The following CDC34 variants were observed in gnomAD, a reference collection of about 807,000 sequenced individuals.
The protein encoded by CDC34 is cell division cycle 34, ubiquitin conjugating enzyme, also known as ubiquitin-conjugating enzyme E2 R1.
A neutral mutation model predicts 26.8 loss-of-function variants in CDC34; 18 were observed. The observed-to-expected ratio is 0.67, with a 90% CI of 0.47 to 1.00. The LOEUF (loss-of-function observed/expected upper bound fraction) is 1.00. Ranked by LOEUF, CDC34 falls within the 50% of genes least tolerant of loss-of-function variation. CDC34 has a pLI of 0.00. For synonymous variants in CDC34, 178 were observed against 147.5 expected, an observed-to-expected ratio of 1.21 and a Z score of -1.50; for missense variants, 280 against 334.5, an observed-to-expected ratio of 0.84 and a Z score of 1.27.
chr19:533,103 G>C (rs1220865688), intron 1 of CDC34, among the ~76,000 whole-genome samples: 1 of 152,214 alleles, frequency 6.6e-6, no homozygotes, highest in Non-Finnish European at 1.5e-5. Flanking sequence ...CAGTTTTCTT[G>C]ATCTCACGAT....
chr19:536,358 CCT>C lies in CDC34; in HGVS notation c.362+19_362+20del, dbSNP rs1293357889. 7.0e-6 allele frequency: 11 copies of C among 1,581,862 alleles called. No homozygotes were observed. Among genetic ancestry groups the C allele is most frequent in the African/African-American group, 4.1e-5 (3 of 73,806 alleles). The stretch of plus-strand genomic sequence containing the variant: ...AACGTCAGGTAAGCCGGCCCAACCC[CCT>C]GTGTCCACCCAGAACATCAGGTAGG... On this transcript the variant is annotated intron_variant, in intron 3 of 4. Coordinates refer to ENST00000215574, the MANE Select transcript of CDC34 (RefSeq NM_004359.2).
At chr19:540,865 C>A (rs1016942225) in intron 4 of CDC34, among the ~76,000 whole-genome samples, 2 of 151,306 alleles carry the variant, frequency 1.3e-5, no homozygotes, top group South Asian at 4.2e-4. Flanking sequence ...GCTGAGGCCA[C>A]GGAGAGGCTC....
Position 541,570 on chromosome 19 carries a change from T to G in CDC34, c.*18T>G. ...AGTCCTGACACCACCAGAATAAACT[T>G]GCCGAGTTTACCTCACTAGGGCCGG... On this transcript the variant is annotated 3_prime_UTR_variant, in exon 5 of 5. Transcript: ENST00000215574. 2 of 1,550,576 alleles carry G rather than the reference T, an allele frequency of 1.3e-6. No homozygotes were observed. The highest frequency in any genetic ancestry group is 1.7e-4 in the Middle Eastern group (1 of 5,766).
At chr19:540,011 G>C (rs575346279) in intron 4 of CDC34, among the ~76,000 whole-genome samples, 1,696 of 113,924 alleles carry the variant, frequency 0.015, 35 homozygotes, top group South Asian at 0.034. Context: ...CAGGCCCCCA[G>C]GTTTAGAATC....
Position 536,530 on chromosome 19 carries a change from C to A in CDC34, c.362+190C>A, listed in dbSNP as rs1449910988. 1.5e-5 allele frequency: 9 copies of A among 596,478 alleles called. No individual in the cohort carries two copies. The East Asian group carries it at 1.9e-4, about 13-fold the overall frequency. The allele number at this position is 596,478 out of a possible 1,614,324, so 36.9% of individuals were successfully genotyped here. A position where few individuals can be genotyped will look rare whatever the true frequency, so the allele number is the denominator to read the frequency against. Reference sequence around the variant, plus strand: ...ACGGTAGGTGCTTTCACGGGGCCTGCGGCACCGTGTGTCGGTGCAGACTCC... The same window carrying A: ...ACGGTAGGTGCTTTCACGGGGCCTGAGGCACCGTGTGTCGGTGCAGACTCC... On this transcript the variant is annotated intron_variant, in intron 3 of 4. Coordinates refer to ENST00000215574, the MANE Select transcript of CDC34 (RefSeq NM_004359.2).
chr19:536,967 G>GC (rs750279936), intron 3 of CDC34, 46 bp from the exon 4 acceptor site: 3 of 1,611,524 alleles, frequency 1.9e-6, no homozygotes, highest in Non-Finnish European at 2.5e-6. Flanking sequence ...GAGCCGGAAG[G>GC]CTGGGGTGCC....
chr19:531,964 G>T lies in CDC34; in HGVS notation c.33G>T (p.Lys11Asn). 6 of 1,473,302 alleles carry T rather than the reference G, an allele frequency of 4.1e-6. No individual in the cohort carries two copies. Among genetic ancestry groups the T allele is most frequent in the Non-Finnish European group, 5.4e-6 (6 of 1,117,652 alleles). 91.3% of individuals were successfully genotyped at this position (1,473,302 alleles called of 1,614,324 possible). A position where few individuals can be genotyped will look rare whatever the true frequency, so the allele number is the denominator to read the frequency against. ...GGCCGCTAGTGCCCAGCTCGCAGAA[G>T]GCGCTGCTGCTGGAGCTCAAGGGGC... is the stretch of plus-strand genomic sequence containing the variant. The part of the protein sequence containing the change: MARPLVPSSQ[K>N]ALLLELKGLQ... The change falls in exon 1 of 5, where the codon AAG becomes AAT. Residue 11 changes from lysine (K) to asparagine (N), a missense_variant. By Grantham distance (94) the Lys-to-Asn change is moderately conservative. Transcript: ENST00000215574.
chr19:537,032 A>C lies in CDC34; in HGVS notation c.382A>C (p.Ile128Leu). The C allele has an allele frequency of 6.2e-7, 1 of 1,613,710 alleles. No homozygotes were observed. Among genetic ancestry groups the C allele is most frequent in the Non-Finnish European group, 8.5e-7 (1 of 1,179,978 alleles). The stretch of plus-strand genomic sequence containing the variant: ...CCACAGGACCATTCTCCTGAGTGTG[A>C]TCTCCCTCCTGAACGAGCCCAACAC... ...QNVRTILLSV[I>L]SLLNEPNTFS... is the part of the protein sequence containing the mutation. Residue 128 changes from isoleucine (I) to leucine (L), a missense_variant, in exon 4 of 5, where the codon ATC becomes CTC. By Grantham distance (5) the Ile-to-Leu change is conservative. Transcript: ENST00000215574.
At chr19:539,418 C>T (rs749448774) in intron 4 of CDC34, among the ~76,000 whole-genome samples, 2 of 151,968 alleles carry the variant, frequency 1.3e-5, no homozygotes, top group African/African-American at 4.8e-5. Flanking sequence ...GTGCCGTCCC[C>T]GGGGCACTGT....
chr19:536,189 C>A, intron 2 of CDC34, 54 bp from the exon 3 acceptor site: 3 of 1,428,968 alleles, frequency 2.1e-6, no homozygotes, highest in Non-Finnish European at 2.9e-6. Flanking sequence ...ACCTGGGGCA[C>A]TGGGAGCCCG....
chr19:541,755 TC>T lies in CDC34; in HGVS notation c.*204del. On this transcript the variant is annotated 3_prime_UTR_variant, in exon 5 of 5. Transcript: ENST00000215574. The stretch of plus-strand genomic sequence containing the variant: ...GCTGCCCCACCGCCACTCACGTCAC[TC>T]GGGGCTCGGTGGACGGGCCCAGGGT... The T allele has an allele frequency of 6.2e-6, 3 of 486,534 alleles. No individual in the cohort carries two copies. Among genetic ancestry groups the T allele is most frequent in the Non-Finnish European group, 1.0e-5 (3 of 292,056 alleles). 30.1% of individuals were successfully genotyped at this position (486,534 alleles called of 1,614,324 possible).
chr19:533,198 G>A (rs529996528), intron 1 of CDC34, among the ~76,000 whole-genome samples: 1 of 152,128 alleles, frequency 6.6e-6, no homozygotes, highest in African/African-American at 2.4e-5. Context: ...CTGTGTGAGC[G>A]GTGGGGAACG....
rs953234449 is a variant in CDC34 at position 539,532 on chromosome 19, G to A, written c.498-1807G>A. ...CTGAGGCCAGACGCCTGCCCTCCAC[G>A]CGTCATGCATCCCCATAAAAAGCAC... On this transcript the variant is annotated intron_variant, in intron 4 of 4. Coordinates refer to ENST00000215574, the MANE Select transcript of CDC34 (RefSeq NM_004359.2). Among the ~76,000 whole-genome samples the A allele has an allele frequency of 5.3e-5, 8 of 152,222 alleles. 1 individual carries two copies. Among genetic ancestry groups the A allele is most frequent in the East Asian group, 3.9e-4 (2 of 5,190 alleles).
At position 541,546 on chromosome 19, in the gene CDC34, G is replaced by A; in HGVS notation, c.705G>A (p.Glu235=). 1 of 1,580,504 alleles carries A rather than the reference G, an allele frequency of 6.3e-7. No individual in the cohort carries two copies. Among genetic ancestry groups the A allele is most frequent in the Non-Finnish European group, 8.6e-7 (1 of 1,160,850 alleles). ...ATGAGGATGACTCTGGCACGGAGGA[G>A]TCCTGACACCACCAGAATAAACTTG... is the stretch of plus-strand genomic sequence containing the variant. ...GDDEDDSGTE[E]S Residue 235 remains glutamate, a synonymous_variant, in exon 5 of 5, where the codon GAG becomes GAA. Transcript: ENST00000215574.
chr19:536,439 A>G (rs1979756216), intron 3 of CDC34, 99 bp downstream of exon 3: 3 of 890,860 alleles, frequency 3.4e-6, no homozygotes, highest in African/African-American at 1.7e-5. Context: ...GCTCCCCCAC[A>G]GGCTGTGGCG....
rs1328529864 is a variant in CDC34, at chr19:535,948, A to C, written c.264+25A>C. On this transcript the variant is annotated intron_variant, in intron 2 of 4. Transcript: ENST00000215574. ...GGTGAGCGCGGCCCCCACGGGCCTCAAGTCCTCATCCTCCGGGACCCAGGG... is the reference window on the plus strand; with the variant it reads ...GGTGAGCGCGGCCCCCACGGGCCTCCAGTCCTCATCCTCCGGGACCCAGGG... 3.1e-6 allele frequency: 5 copies of C among 1,599,204 alleles called. No homozygotes were observed. The South Asian group carries it at 4.4e-5, about 14-fold the overall frequency.
Position 536,332 on chromosome 19 carries a change from G to A in CDC34, c.354G>A (p.Gln118=). 6.2e-6 allele frequency: 10 copies of A among 1,611,908 alleles called. No individual in the cohort carries two copies. Among genetic ancestry groups the A allele is most frequent in the Non-Finnish European group, 8.5e-6 (10 of 1,179,402 alleles). The change falls in exon 3 of 5, where the codon CAG becomes CAA. Residue 118 remains glutamine, a synonymous_variant. Transcript: ENST00000215574. ...ELPSERWNPT[Q]NVRTILLSVI... ...CCTCAGAGAGGTGGAACCCCACGCA[G>A]AACGTCAGGTAAGCCGGCCCAACCC...
chr19:536,161 A>T lies in CDC34; in HGVS notation c.265-82A>T, dbSNP rs957108894. 4 of 1,176,182 alleles carry T rather than the reference A, an allele frequency of 3.4e-6. No individual in the cohort carries two copies. The African/African-American group carries it at 6.2e-5, about 18-fold the overall frequency. 72.9% of individuals were successfully genotyped at this position (1,176,182 alleles called of 1,614,324 possible). ...TGGGAGCCTCACGTCCTCGTCCTCC[A>T]CGTCCTCATCCTCCGGGACCTGGGG... On this transcript the variant is annotated intron_variant, in intron 2 of 4. Coordinates refer to ENST00000215574, the MANE Select transcript of CDC34 (RefSeq NM_004359.2).
At chr19:539,045 G>A in intron 4 of CDC34, 1 of 976,158 alleles carries the variant, frequency 1.0e-6, no homozygotes, top group Non-Finnish European at 1.2e-6. Flanking sequence ...AACTCCCTGT[G>A]GGCCAACACA....
Sources: allele counts gnomAD v4.1 joint callset (sites outside exome capture counted in the v4.1 genomes callset), GRCh38; gene constraint gnomAD v4.1.1; transcripts MANE v1.5; gene names NCBI Gene and HGNC (gene_info 2026-07-23, HGNC 2026-07-21).